The following PDZD2 variants were observed in gnomAD, a reference collection of about 807,000 sequenced individuals.
PDZD2 encodes PDZ domain-containing protein 2.
Under a neutral mutation model 220.7 loss-of-function variants are expected in PDZD2, and 90 were observed. The observed-to-expected ratio is 0.41, with a 90% CI of 0.34 to 0.49. The LOEUF (loss-of-function observed/expected upper bound fraction) is 0.49. PDZD2 is among the 20% of genes least tolerant of loss of function. The probability of loss-of-function intolerance (pLI) is 0.28; values close to 1 mark genes in which losing one functional copy is unlikely to be tolerated. For synonymous variants in PDZD2, 1,375 were observed against 1,450.5 expected, an observed-to-expected ratio of 0.95 and a Z score of 1.18; for missense variants, 3,174 against 3,608.5, an observed-to-expected ratio of 0.88 and a Z score of 3.08.
intron 1 of PDZD2, among the ~76,000 whole-genome samples, chr5:31,764,173 C>G (rs910588659): frequency 3.6e-4 from 55 of 152,326 alleles, no homozygotes; most frequent in African/African-American, 1.2e-3. Context: ...ATCAGCCCAT[C>G]ATTTCTCATG....
At chr5:32,018,954 G>A (rs1178526494) in intron 6 of PDZD2, among the ~76,000 whole-genome samples, 1 of 152,112 alleles carries the variant, frequency 6.6e-6, no homozygotes, top group Non-Finnish European at 1.5e-5. Flanking sequence ...TTAAGTGGGT[G>A]GAGGAAGAAA....
At chr5:31,872,320 A>G (rs1738895078) in intron 2 of PDZD2, among the ~76,000 whole-genome samples, 1 of 152,148 alleles carries the variant, frequency 6.6e-6, no homozygotes, top group African/African-American at 2.4e-5. Context: ...CCCTGGGGAA[A>G]AATCATGGGT....
chr5:31,665,375 C>T (rs780152054), intron 1 of PDZD2, among the ~76,000 whole-genome samples: 4 of 152,186 alleles, frequency 2.6e-5, no homozygotes, highest in African/African-American at 4.8e-5. Flanking sequence ...CCCCAAGAAG[C>T]CTTTCCTGGA....
intron 1 of PDZD2, among the ~76,000 whole-genome samples, chr5:31,667,032 C>A (rs6871503): frequency 6.6e-6 from 1 of 151,616 alleles, no homozygotes; most frequent in East Asian, 2.0e-4. Context: ...GTCAGGAGAT[C>A]GAGACCATCC....
At chr5:31,954,058 G>A (rs1747431910) in intron 2 of PDZD2, among the ~76,000 whole-genome samples, 1 of 151,978 alleles carries the variant, frequency 6.6e-6, no homozygotes, top group South Asian at 2.1e-4. Context: ...CAAGGTTATA[G>A]TGTGATATGA....
chr5:32,051,250 GC>G (rs1299997359), intron 8 of PDZD2, among the ~76,000 whole-genome samples: 1 of 152,078 alleles, frequency 6.6e-6, no homozygotes, highest in East Asian at 1.9e-4. Context: ...GGCCATCACT[GC>G]AATGGTTTCA....
chr5:32,005,036 A>T (rs896438510), intron 5 of PDZD2, among the ~76,000 whole-genome samples: 3 of 152,154 alleles, frequency 2.0e-5, no homozygotes, highest in Admixed American at 2.0e-4. Flanking sequence ...CCTAAACTTC[A>T]TCTACACCAT....
intron 2 of PDZD2, among the ~76,000 whole-genome samples, chr5:31,828,823 T>C (rs1457248228): frequency 6.6e-6 from 1 of 152,254 alleles, no homozygotes; most frequent in Non-Finnish European, 1.5e-5. Context: ...TTTAATTCTT[T>C]ACCCACTTTT....
At position 31,761,420 on chromosome 5, in the gene PDZD2, A is replaced by G. The variant is rs570556550; in HGVS notation, c.-360-37469A>G. ...CATAGGGCTTGGGGGATAAAGGAAA[A>G]GGAGAAAGTTAAAAGTAAAGACGAC... On this transcript the variant is annotated intron_variant, in intron 1 of 24. Transcript: ENST00000438447. 1.5e-4 allele frequency among the ~76,000 whole-genome samples: 22 copies of G among 145,000 alleles called. No individual in the cohort carries two copies. In the East Asian group the frequency reaches 3.3e-3, roughly 22 times the overall value.
At chr5:31,904,296 A>G (rs1284836476) in intron 2 of PDZD2, among the ~76,000 whole-genome samples, 1 of 152,154 alleles carries the variant, frequency 6.6e-6, no homozygotes, top group East Asian at 1.9e-4. Context: ...TATTTAGTCA[A>G]CAGTCATTCA....
At chr5:32,084,717 T>C in intron 19 of PDZD2, among the ~76,000 whole-genome samples, 1 of 152,074 alleles carries the variant, frequency 6.6e-6, no homozygotes, top group East Asian at 1.9e-4. Context: ...GAAAATAGCT[T>C]TGTTCTTTCT....
At chr5:31,790,006 C>A (rs1312742399) in intron 1 of PDZD2, among the ~76,000 whole-genome samples, 1 of 152,194 alleles carries the variant, frequency 6.6e-6, no homozygotes, top group Non-Finnish European at 1.5e-5. Context: ...TCCTTCTGGC[C>A]AAGAATAGCA....
At chr5:32,016,395 C>T (rs1009024837) in intron 6 of PDZD2, among the ~76,000 whole-genome samples, 5 of 152,178 alleles carry the variant, frequency 3.3e-5, no homozygotes, top group Non-Finnish European at 5.9e-5. Flanking sequence ...CTGGTTTTTT[C>T]TGGCAAATTG....
intron 8 of PDZD2, among the ~76,000 whole-genome samples, chr5:32,051,528 A>G (rs1201540187): frequency 6.6e-6 from 1 of 152,186 alleles, no homozygotes; most frequent in Non-Finnish European, 1.5e-5. Flanking sequence ...CTTAGGTAGA[A>G]TATCTGCATC....
At chr5:31,667,853 T>G (rs865963401) in intron 1 of PDZD2, among the ~76,000 whole-genome samples, 2 of 137,416 alleles carry the variant, frequency 1.5e-5, no homozygotes, top group Admixed American at 7.9e-5. Flanking sequence ...CTTTTTTTTT[T>G]CCTTTTTTTT....
At chr5:32,023,288 T>C (rs985917319) in intron 6 of PDZD2, among the ~76,000 whole-genome samples, 4 of 152,196 alleles carry the variant, frequency 2.6e-5, no homozygotes, top group Non-Finnish European at 5.9e-5. Context: ...CATCCTGGTC[T>C]GAACTCTCCA....
chr5:31,862,081 A>T (rs569797847), intron 2 of PDZD2, among the ~76,000 whole-genome samples: 1 of 146,566 alleles, frequency 6.8e-6, no homozygotes, highest in African/African-American at 2.5e-5. Context: ...ATGTTAATAG[A>T]CTCAATGTTT....
chr5:31,794,700 C>G (rs184410898), intron 1 of PDZD2, among the ~76,000 whole-genome samples: 2 of 152,102 alleles, frequency 1.3e-5, no homozygotes, highest in Admixed American at 1.3e-4. Context: ...AACCACTACG[C>G]CCAGCCCATA....
intron 7 of PDZD2, among the ~76,000 whole-genome samples, chr5:32,041,342 GA>G (rs1351538901): frequency 6.6e-6 from 1 of 151,866 alleles, no homozygotes; most frequent in Non-Finnish European, 1.5e-5. Flanking sequence ...CAACAGCTCC[GA>G]AGAGACAGCG....
Sources: gnomAD v4.1 joint callset for allele counts (sites outside exome capture counted in the v4.1 genomes callset) on GRCh38, gnomAD v4.1.1 for gene constraint, MANE v1.5 for transcripts, NCBI Gene and HGNC (gene_info 2026-07-23, HGNC 2026-07-21) for gene names.